The following GIGYF2 variants were observed in gnomAD, a reference collection of about 807,000 sequenced individuals.
GIGYF2 encodes the protein GRB10 interacting GYF protein 2.
Under a neutral mutation model 208.1 loss-of-function variants are expected in GIGYF2, and 25 were observed. That is an observed-to-expected ratio of 0.12 (90% CI 0.09 to 0.17). The LOEUF is 0.17. Among genes scored for constraint, GIGYF2 ranks in the 10% least tolerant of loss-of-function variants. GIGYF2 has a pLI of 1.00. For missense variants in GIGYF2, 1,302 were observed against 1,579.4 expected (o/e 0.82, Z 2.98); for synonymous variants, 534 against 543.8 (o/e 0.98, Z 0.25).
At chr2:232,856,159 T>C (rs1430497310) in intron 28 of GIGYF2, among the ~76,000 whole-genome samples, 2 of 152,052 alleles carry the variant, frequency 1.3e-5, no homozygotes, top group Non-Finnish European at 2.9e-5. Flanking sequence ...GGTCTCGATA[T>C]CCTGACCTCA....
chr2:232,789,918 T>C (rs947925552), intron 9 of GIGYF2, among the ~76,000 whole-genome samples: 13 of 152,006 alleles, frequency 8.6e-5, no homozygotes, highest in African/African-American at 3.1e-4. Context: ...GATTTGGGAA[T>C]GTCCGTAGGG....
chr2:232,786,529 G>A (rs1353551713), intron 8 of GIGYF2, among the ~76,000 whole-genome samples: 1 of 152,200 alleles, frequency 6.6e-6, no homozygotes, highest in African/African-American at 2.4e-5. Context: ...GAGCCACCAC[G>A]CGGCCTGCTT....
At chr2:232,714,081 C>T (rs765761768) in intron 2 of GIGYF2, among the ~76,000 whole-genome samples, 11 of 151,940 alleles carry the variant, frequency 7.2e-5, no homozygotes, top group Non-Finnish European at 1.0e-4. Flanking sequence ...TCCAGAGTAG[C>T]TGGGACTACA....
At chr2:232,816,423 T>C (rs1037392426) in intron 19 of GIGYF2, among the ~76,000 whole-genome samples, 3 of 152,176 alleles carry the variant, frequency 2.0e-5, no homozygotes, top group Admixed American at 1.3e-4. Flanking sequence ...TAAAACGTTA[T>C]AGCCACACTG....
At chr2:232,714,273 G>A (rs1696571214) in intron 2 of GIGYF2, among the ~76,000 whole-genome samples, 5 of 151,988 alleles carry the variant, frequency 3.3e-5, no homozygotes, top group Non-Finnish European at 7.4e-5. Flanking sequence ...TTAAAATTTT[G>A]GTTAATCTTA....
intron 16 of GIGYF2, chr2:232,810,743 C>G (rs1013278236): frequency 1.4e-4 from 26 of 187,456 alleles, no homozygotes; most frequent in South Asian, 5.9e-4. Context: ...ACTCTCTGGC[C>G]CATTACAAAA....
intron 8 of GIGYF2, chr2:232,767,405 C>T (rs1699018431): frequency 6.6e-6 from 1 of 152,322 alleles, no homozygotes; most frequent in Non-Finnish European, 1.5e-5. Context: ...ACTTAGGTTG[C>T]TAGAAGTCAT....
chr2:232,700,558 C>T (rs775157569), intron 1 of GIGYF2: 2 of 152,094 alleles, frequency 1.3e-5, no homozygotes, highest in Non-Finnish European at 2.9e-5. Flanking sequence ...ATTTCCCATA[C>T]TTTCTGTTTT....
intron 1 of GIGYF2, among the ~76,000 whole-genome samples, chr2:232,701,918 G>A (rs868696931): frequency 2.0e-5 from 3 of 152,012 alleles, no homozygotes; most frequent in Non-Finnish European, 2.9e-5. Flanking sequence ...CTATAATCCC[G>A]GCACTTTGGG....
chr2:232,705,422 T>C (rs1559370863), intron 2 of GIGYF2: 1 of 152,256 alleles, frequency 6.6e-6, no homozygotes. Context: ...TTTTTATTTT[T>C]GTTGAGACAG....
chr2:232,729,627 C>A (rs1326174532), intron 2 of GIGYF2: 14 of 1,152,612 alleles, frequency 1.2e-5, no homozygotes, highest in Non-Finnish European at 1.8e-5. Context: ...TCTTCAACTT[C>A]ACAACGTATT....
rs377319956 is a variant in GIGYF2 at position 232,840,006 on chromosome 2, G to A, written c.2889+35G>A. 1,009 of 1,603,986 alleles carry A rather than the reference G, an allele frequency of 6.3e-4. 6 individuals are homozygous for A. In the South Asian group the frequency reaches 6.8e-3, roughly 11 times the overall value. On this transcript the variant is annotated intron_variant, in intron 23 of 28. Transcript: ENST00000373563. ...TAAAGTAAAAGGGATCTAGTCAAGC[G>A]ATGTTCCAGAATATCTAGCATGCAT...
chr2:232,698,823 T>G (rs1299843407), intron 1 of GIGYF2, among the ~76,000 whole-genome samples: 2 of 152,230 alleles, frequency 1.3e-5, no homozygotes, highest in East Asian at 3.8e-4. Flanking sequence ...AGGAGAGGGC[T>G]TCATGACTTT....
chr2:232,738,131 G>C (rs192326977), intron 3 of GIGYF2, among the ~76,000 whole-genome samples: 1 of 151,880 alleles, frequency 6.6e-6, no homozygotes, highest in African/African-American at 2.4e-5. Flanking sequence ...TGGCCAGGCT[G>C]GTCTCGAACT....
At chr2:232,793,111 A>C (rs1314891145) in intron 12 of GIGYF2, among the ~76,000 whole-genome samples, 1 of 152,202 alleles carries the variant, frequency 6.6e-6, no homozygotes, top group Non-Finnish European at 1.5e-5. Context: ...GGAGCAGTGA[A>C]AGCTAAAGTG....
intron 2 of GIGYF2, among the ~76,000 whole-genome samples, chr2:232,704,689 A>G (rs1287491385): frequency 6.7e-6 from 1 of 150,064 alleles, no homozygotes; most frequent in African/African-American, 2.5e-5. Flanking sequence ...GAGCCACCAC[A>G]TATGGACTTC....
At chr2:232,805,389 G>GGAGCTTTGTTGTTTGGTA (rs1559445589) in intron 14 of GIGYF2, among the ~76,000 whole-genome samples, 2 of 151,856 alleles carry the variant, frequency 1.3e-5, no homozygotes, top group African/African-American at 4.8e-5. Flanking sequence ...GTTGTTTGGT[G>GGAGCTTTGTTGTTTGGTA]CATACATATT....
rs767483294 is a variant in GIGYF2 at position 232,735,235 on chromosome 2, A to T, written c.38A>T (p.Glu13Val). The change falls in exon 3 of 29, where the codon GAA becomes GTA. Residue 13 changes from glutamate to valine, a missense_variant. By Grantham distance (121) the Glu-to-Val change is moderately radical. Transcript: ENST00000373563. ...ACGCAGACACTGAACTTTGGGCCTG[A>T]ATGGTGAGTTTTCAAAATCTCATCT... ...AETQTLNFGPEWLRALSSGGS... is the reference protein window; with the variant it reads ...AETQTLNFGPVWLRALSSGGS... The T allele has an allele frequency of 6.2e-7, 1 of 1,603,178 alleles. No individual in the cohort carries two copies. Among genetic ancestry groups the T allele is most frequent in the Non-Finnish European group, 8.5e-7 (1 of 1,169,994 alleles).
intron 18 of GIGYF2, 149 bp downstream of exon 18, chr2:232,812,640 C>T: frequency 1.6e-6 from 1 of 622,434 alleles, no homozygotes; most frequent in Non-Finnish European, 2.9e-6. Flanking sequence ...TAGATCCAAG[C>T]AATATTGAAG....
Sources: allele counts gnomAD v4.1 joint callset (sites outside exome capture counted in the v4.1 genomes callset), GRCh38; gene constraint gnomAD v4.1.1; transcripts MANE v1.5; gene names NCBI Gene and HGNC (gene_info 2026-07-23, HGNC 2026-07-21).